The following GSE1 variants were observed in gnomAD, a reference collection of about 807,000 sequenced individuals.
GSE1 encodes the protein Gse1 coiled-coil protein.
GSE1 carries 32 observed loss-of-function variants against 112.6 expected under a neutral mutation model. That is an observed-to-expected ratio of 0.28 (90% CI 0.21 to 0.38). GSE1 has a LOEUF of 0.38. Among genes scored for constraint, GSE1 ranks in the 10% least tolerant of loss-of-function variants. The pLI is 1.00. For synonymous variants in GSE1, 1,115 were observed against 735.6 expected (o/e 1.52, Z -8.35); for missense variants, 2,348 against 1,699.2 (o/e 1.38, Z -6.71).
At chr16:85,207,152 C>T (rs528060816) in intron 1 of GSE1, among the ~76,000 whole-genome samples, 1 of 152,198 alleles carries the variant, frequency 6.6e-6, no homozygotes, top group South Asian at 2.1e-4. Flanking sequence ...AGCATCTCCA[C>T]CTTCAGGGAG....
intron 3 of GSE1, 56 bp downstream of exon 3, chr16:85,648,807 G>C: frequency 9.8e-7 from 1 of 1,017,630 alleles, no homozygotes; most frequent in Non-Finnish European, 1.4e-6. Flanking sequence ...GCTGGATTCA[G>C]GCATCCATTG....
chr16:85,437,255 C>T (rs565319004), intron 2 of GSE1, among the ~76,000 whole-genome samples: 5 of 152,252 alleles, frequency 3.3e-5, no homozygotes, highest in Middle Eastern at 3.4e-3. Context: ...GCCCCCTGCA[C>T]GCCCTCCAAA....
rs772526790 is a variant in GSE1 at position 85,393,240 on chromosome 16, G to A, written c.2464+35597G>A. Among the ~76,000 whole-genome samples the A allele has an allele frequency of 5.6e-4, 85 of 152,228 alleles. 2 individuals are homozygous for A. The highest frequency in any genetic ancestry group is 2.1e-4 in the Non-Finnish European group (14 of 68,036). On this transcript the variant is annotated intron_variant, in intron 2 of 2. Transcript: ENST00000637419. Reference sequence around the variant, plus strand: ...ACTGTGATTACGCCACTTCACTCCAGCCTGGGCAACATAGCAAGACCCTGT... The same window carrying A: ...ACTGTGATTACGCCACTTCACTCCAACCTGGGCAACATAGCAAGACCCTGT...
At chr16:85,624,235 G>A (rs903103707) in intron 1 of GSE1, among the ~76,000 whole-genome samples, 3 of 152,176 alleles carry the variant, frequency 2.0e-5, no homozygotes, top group African/African-American at 7.2e-5. Flanking sequence ...CACCTGCCTG[G>A]ACACCTTGGA....
intron 2 of GSE1, among the ~76,000 whole-genome samples, chr16:85,485,972 A>G (rs2050824553): frequency 6.6e-6 from 1 of 152,186 alleles, no homozygotes; most frequent in Non-Finnish European, 1.5e-5. Context: ...CCTCTCCTCC[A>G]TAGGGGCCCT....
At chr16:85,473,433 T>C (rs1015467669) in intron 2 of GSE1, among the ~76,000 whole-genome samples, 1 of 152,036 alleles carries the variant, frequency 6.6e-6, no homozygotes, top group Non-Finnish European at 1.5e-5. Context: ...AAACCACAGA[T>C]GTTTGTTCTC....
At chr16:85,486,387 C>G (rs557516461) in intron 2 of GSE1, among the ~76,000 whole-genome samples, 1 of 152,254 alleles carries the variant, frequency 6.6e-6, no homozygotes, top group African/African-American at 2.4e-5. Flanking sequence ...GGGACCCTCC[C>G]CTGTTCTCCC....
At chr16:85,508,941 A>G (rs2051637369) in intron 2 of GSE1, among the ~76,000 whole-genome samples, 1 of 152,198 alleles carries the variant, frequency 6.6e-6, no homozygotes, top group Non-Finnish European at 1.5e-5. Flanking sequence ...TTCGTTGGAC[A>G]ACAGCGCTGC....
At position 85,402,931 on chromosome 16, in the gene GSE1, T is replaced by C. The variant is rs1041711219; in HGVS notation, c.2464+45288T>C. 2.0e-5 allele frequency among the ~76,000 whole-genome samples: 3 copies of C among 150,438 alleles called. No individual in the cohort carries two copies. In the East Asian group the frequency reaches 5.8e-4, roughly 29 times the overall value. On this transcript the variant is annotated intron_variant, in intron 2 of 2. Coordinates refer to the GSE1 transcript ENST00000637419. ...ACCCTGACTCAAAAAAAAAAAAAAT[T>C]GCCCCAAAACTTCGTGGCTCCAGAC...
At chr16:85,523,049 G>T (rs187999964) in intron 2 of GSE1, among the ~76,000 whole-genome samples, 1 of 152,040 alleles carries the variant, frequency 6.6e-6, no homozygotes, top group African/African-American at 2.4e-5. Flanking sequence ...TTTGTGTGCT[G>T]TGTGGCTATG....
At chr16:85,193,093 G>T (rs1470462959) in intron 1 of GSE1, among the ~76,000 whole-genome samples, 1 of 152,160 alleles carries the variant, frequency 6.6e-6, no homozygotes, top group East Asian at 1.9e-4. Flanking sequence ...TGGTTACAGT[G>T]TACCCAGCCA....
At chr16:85,246,618 G>A (rs1228469532) in intron 1 of GSE1, among the ~76,000 whole-genome samples, 1 of 151,816 alleles carries the variant, frequency 6.6e-6, no homozygotes, top group South Asian at 2.1e-4. Context: ...GAAATGAGGC[G>A]CTTTGCAGGG....
At chr16:85,212,131 C>T (rs554954883) in intron 1 of GSE1, among the ~76,000 whole-genome samples, 29 of 152,292 alleles carry the variant, frequency 1.9e-4, no homozygotes, top group Non-Finnish European at 3.8e-4. Context: ...AGAAGCCGGG[C>T]GCGGTGGCTC....
intron 1 of GSE1, among the ~76,000 whole-genome samples, chr16:85,212,455 A>C: frequency 6.6e-6 from 1 of 152,186 alleles, no homozygotes; most frequent in Non-Finnish European, 1.5e-5. Context: ...GTTTGGGTAG[A>C]GTGAGCCCTA....
At chr16:85,294,754 G>A (rs2045322483) in intron 1 of GSE1, among the ~76,000 whole-genome samples, 1 of 142,908 alleles carries the variant, frequency 7.0e-6, no homozygotes, top group Non-Finnish European at 1.5e-5. Context: ...CAGGGTAATT[G>A]GGATCCTTGC....
intron 2 of GSE1, among the ~76,000 whole-genome samples, chr16:85,460,039 C>T (rs1176061444): frequency 5.9e-5 from 9 of 152,158 alleles, no homozygotes; most frequent in Non-Finnish European, 1.3e-4. Flanking sequence ...GCCCCCAGGG[C>T]CCCGCAGTGC....
At chr16:85,604,338 C>T (rs971881079) in intron 1 of GSE1, among the ~76,000 whole-genome samples, 1 of 152,130 alleles carries the variant, frequency 6.6e-6, no homozygotes, top group African/African-American at 2.4e-5. Context: ...ATTAGCACCT[C>T]AGTCCTTTTT....
chr16:85,570,214 C>T (rs938400840), intron 1 of GSE1, among the ~76,000 whole-genome samples: 1 of 152,168 alleles, frequency 6.6e-6, no homozygotes, highest in East Asian at 1.9e-4. Context: ...GGGCCTGGCC[C>T]TTGGTCAGTG....
chr16:85,638,373 A>AG (rs2050174246), intron 2 of GSE1, among the ~76,000 whole-genome samples: 1 of 152,142 alleles, frequency 6.6e-6, no homozygotes, highest in South Asian at 2.1e-4. Context: ...ACCCTTCCCC[A>AG]GGGCCAGCCT....
Sources: allele counts gnomAD v4.1 joint callset (sites outside exome capture counted in the v4.1 genomes callset), GRCh38; gene constraint gnomAD v4.1.1; transcripts MANE v1.5; gene names NCBI Gene and HGNC (gene_info 2026-07-23, HGNC 2026-07-21).